The following MALT1 variants were observed in gnomAD, a reference collection of about 807,000 sequenced individuals.
MALT1 encodes the protein MALT1 paracaspase.
Under a neutral mutation model 85.5 loss-of-function variants are expected in MALT1, and 36 were observed. The ratio of observed to expected loss-of-function variants is 0.42; its 90% CI spans 0.32 to 0.56. The LOEUF (loss-of-function observed/expected upper bound fraction) is 0.56. Ranked by LOEUF, MALT1 falls within the 20% of genes least tolerant of loss-of-function variation. The pLI, the probability that MALT1 is intolerant of heterozygous loss-of-function variation, is 0.10. For missense variants in MALT1, 716 were observed against 981.6 expected (o/e 0.73, Z 3.62); for synonymous variants, 359 against 361.3 (o/e 0.99, Z 0.07).
chr18:58,752,055 G>A lies in MALT1; in HGVS notation c.*4213G>A, dbSNP rs1423960132. ...TGACTTGCACATGAAGTAACAGTGA[G>A]GTGTCCTGTGCAGCAGTCGCAATTT... On this transcript the variant is annotated 3_prime_UTR_variant, in exon 17 of 17. Transcript: ENST00000649217. 3 of 152,224 alleles carry A rather than the reference G, an allele frequency of 2.0e-5. No homozygotes were observed. The highest frequency in any genetic ancestry group is 4.4e-5 in the Non-Finnish European group (3 of 68,036). The allele number at this position is 152,224 out of a possible 1,614,324, so 9.4% of individuals were successfully genotyped here.
At chr18:58,713,373 C>CAGT (rs2054858591) in intron 7 of MALT1, among the ~76,000 whole-genome samples, 1 of 152,136 alleles carries the variant, frequency 6.6e-6, no homozygotes, top group Admixed American at 6.5e-5. Context: ...AAACACCTTA[C>CAGT]ACCTTGAGAA....
chr18:58,702,273 A>G (rs2054684526), intron 4 of MALT1, among the ~76,000 whole-genome samples: 1 of 151,442 alleles, frequency 6.6e-6, no homozygotes, highest in Non-Finnish European at 1.5e-5. Flanking sequence ...AGTCGCAGCA[A>G]CTCAGGAGGC....
At chr18:58,716,281 C>T (rs571792460) in intron 9 of MALT1, among the ~76,000 whole-genome samples, 1 of 152,186 alleles carries the variant, frequency 6.6e-6, no homozygotes, top group Non-Finnish European at 1.5e-5. Context: ...TTAGTGCTGT[C>T]TCTTGGTGAG....
chr18:58,679,179 C>T (rs1024730468), intron 1 of MALT1, among the ~76,000 whole-genome samples: 5 of 152,162 alleles, frequency 3.3e-5, no homozygotes, highest in African/African-American at 4.8e-5. Context: ...CTGATCTTAA[C>T]CTGTCTTTCT....
intron 1 of MALT1, among the ~76,000 whole-genome samples, chr18:58,676,577 C>T (rs1261462886): frequency 6.6e-6 from 1 of 152,198 alleles, no homozygotes; most frequent in Non-Finnish European, 1.5e-5. Context: ...ACTTGTTCAC[C>T]TCACTGAGCT....
chr18:58,731,211 C>T (rs55933062), intron 10 of MALT1, among the ~76,000 whole-genome samples: 25,481 of 152,174 alleles, frequency 0.17, 2,712 homozygotes, highest in East Asian at 0.3. Context: ...CCTTGGCCTC[C>T]CAAAGTGCTG....
Position 58,752,798 on chromosome 18 carries a change from T to A in MALT1, c.*4956T>A, listed in dbSNP as rs1163632965. 6.6e-6 allele frequency: 1 copy of A among 152,130 alleles called. No homozygotes were observed. Among genetic ancestry groups the A allele is most frequent in the Non-Finnish European group, 1.5e-5 (1 of 68,020 alleles). 9.4% of individuals were successfully genotyped at this position (152,130 alleles called of 1,614,324 possible). On this transcript the variant is annotated 3_prime_UTR_variant, in exon 17 of 17. Coordinates refer to ENST00000649217, the MANE Select transcript of MALT1 (RefSeq NM_006785.4). Reference sequence around the variant, plus strand: ...CTGGACGACAGGGCAAGACGCTGTCTCAAAAATAAAATATTAGTAAAGAAG... The same window carrying A: ...CTGGACGACAGGGCAAGACGCTGTCACAAAAATAAAATATTAGTAAAGAAG...
intron 1 of MALT1, among the ~76,000 whole-genome samples, chr18:58,679,055 C>T (rs1452311988): frequency 1.3e-5 from 2 of 152,164 alleles, no homozygotes; most frequent in Admixed American, 6.6e-5. Context: ...GTTGATTGCT[C>T]GGTTTTTTCT....
At chr18:58,734,257 T>G (rs545629021) in intron 11 of MALT1, 50 bp from the exon 12 acceptor site, 5 of 1,305,930 alleles carry the variant, frequency 3.8e-6, no homozygotes, top group East Asian at 2.3e-5. Context: ...TTAAGAATGC[T>G]CTTTAACTTT....
chr18:58,690,752 G>T, intron 2 of MALT1: 1 of 201,356 alleles, frequency 5.0e-6, no homozygotes, highest in East Asian at 1.4e-4. Context: ...TCTCAGGGGT[G>T]TCAAGCAGGC....
chr18:58,724,179 G>A (rs2055022465), intron 10 of MALT1, among the ~76,000 whole-genome samples: 1 of 152,166 alleles, frequency 6.6e-6, no homozygotes, highest in Admixed American at 6.5e-5. Context: ...GATAAGGCAA[G>A]TTTGGTCAGA....
chr18:58,717,021 TTA>T (rs1386315200), intron 9 of MALT1, among the ~76,000 whole-genome samples: 1 of 152,160 alleles, frequency 6.6e-6, no homozygotes, highest in African/African-American at 2.4e-5. Context: ...CATTTTTAGT[TTA>T]TGTTTTTTGT....
At chr18:58,688,563 A>AG (rs2054445370) in intron 2 of MALT1, among the ~76,000 whole-genome samples, 1 of 143,460 alleles carries the variant, frequency 7.0e-6, no homozygotes, top group Admixed American at 6.9e-5. Context: ...AAAAAAAAAA[A>AG]TACTAATTTT....
intron 11 of MALT1, chr18:58,733,865 T>C: frequency 8.5e-7 from 1 of 1,178,074 alleles, no homozygotes; most frequent in Non-Finnish European, 1.0e-6. Context: ...TAATAATCAC[T>C]ATAGTTATTC....
chr18:58,727,616 G>GGTTTT (rs1555688173), intron 10 of MALT1, among the ~76,000 whole-genome samples: 1 of 121,264 alleles, frequency 8.2e-6, no homozygotes, highest in African/African-American at 3.3e-5. Flanking sequence ...GGTTTTTTGT[G>GGTTTT]TTTTTTTTTT....
intron 2 of MALT1, among the ~76,000 whole-genome samples, chr18:58,689,943 G>A (rs1425607633): frequency 2.0e-5 from 3 of 152,216 alleles, no homozygotes; most frequent in Admixed American, 6.5e-5. Flanking sequence ...CTGGAGAAGA[G>A]CGGAGGGGCC....
intron 1 of MALT1, among the ~76,000 whole-genome samples, chr18:58,679,891 A>G (rs553486377): frequency 6.6e-6 from 1 of 152,254 alleles, no homozygotes; most frequent in East Asian, 1.9e-4. Context: ...CTTTCTAAAT[A>G]TACTTTTTAA....
intron 4 of MALT1, among the ~76,000 whole-genome samples, chr18:58,708,332 C>G (rs1282429623): frequency 2.6e-5 from 4 of 152,210 alleles, no homozygotes; most frequent in African/African-American, 9.6e-5. Context: ...TGGTCATGCC[C>G]ACTAGGGGTG....
At chr18:58,728,732 G>A (rs2055101831) in intron 10 of MALT1, among the ~76,000 whole-genome samples, 1 of 152,176 alleles carries the variant, frequency 6.6e-6, no homozygotes, top group Admixed American at 6.5e-5. Flanking sequence ...CTTTTCGTAA[G>A]ACATTTTGGG....
Sources: gnomAD v4.1 joint callset for allele counts (sites outside exome capture counted in the v4.1 genomes callset) on GRCh38, gnomAD v4.1.1 for gene constraint, MANE v1.5 for transcripts, NCBI Gene and HGNC (gene_info 2026-07-23, HGNC 2026-07-21) for gene names.